SLC8A2: variants seen among roughly 807,000 people sequenced by gnomAD.
The protein encoded by SLC8A2 is sodium/calcium exchanger 2.
A neutral mutation model predicts 70.2 loss-of-function variants in SLC8A2; 14 were observed. That is an observed-to-expected ratio of 0.20 (90% CI 0.13 to 0.31). The LOEUF (loss-of-function observed/expected upper bound fraction) is 0.31. Among genes scored for constraint, SLC8A2 ranks in the 10% least tolerant of loss-of-function variants. SLC8A2 has a pLI of 1.00. For missense variants in SLC8A2, 779 were observed against 1,320.1 expected, an observed-to-expected ratio of 0.59 and a Z score of 6.35; for synonymous variants, 575 against 594.3, an observed-to-expected ratio of 0.97 and a Z score of 0.47.
chr19:47,457,484 G>C lies in SLC8A2; in HGVS notation c.786C>G (p.Thr262=). ...CTATGATGATGCCGCTGCGTGGGTC[G>C]GTGCGGTAGCGCTTGTACACGTACT... ...FYKYVYKRYR[T]DPRSGIIIGA... Residue 262 remains threonine, a synonymous_variant, in exon 3 of 10, where the codon ACC becomes ACG. Coordinates refer to ENST00000236877, the MANE Select transcript of SLC8A2 (RefSeq NM_015063.3). 5 of 1,609,316 alleles carry C rather than the reference G, an allele frequency of 3.1e-6. No homozygotes were observed. Among genetic ancestry groups the C allele is most frequent in the Non-Finnish European group, 4.2e-6 (5 of 1,178,528 alleles).
Position 47,447,657 on chromosome 19 carries a change from G to C in SLC8A2, c.1763+152C>G. 2 of 762,926 alleles carry C rather than the reference G, an allele frequency of 2.6e-6. No individual in the cohort carries two copies. Among genetic ancestry groups the C allele is most frequent in the Non-Finnish European group, 4.0e-6 (2 of 506,278 alleles). 47.3% of individuals were successfully genotyped at this position (762,926 alleles called of 1,614,324 possible). A position where few individuals can be genotyped will look rare whatever the true frequency, so the allele number is the denominator to read the frequency against. On this transcript the variant is annotated intron_variant, in intron 4 of 9. Transcript: ENST00000236877. This position sits in a 1 kb window ranked among gnomAD's most constrained non-coding sequence, Gnocchi z 5.1. Reference sequence around the variant, plus strand: ...GGTCACAGGCCCCGCCCACGTTGCGGGCACGGCCACGCAGGCCCCTCCCCT... The same window carrying C: ...GGTCACAGGCCCCGCCCACGTTGCGCGCACGGCCACGCAGGCCCCTCCCCT...
chr19:47,457,448 G>C lies in SLC8A2; in HGVS notation c.822C>G (p.Gly274=). The part of the protein sequence containing the change: ...PRSGIIIGAE[G]DPPKSIELDG... Reference sequence around the variant, plus strand: ...CCAGCTCGATGCTCTTCGGGGGGTCGCCCTCGGCGCCTATGATGATGCCGC... The same window carrying C: ...CCAGCTCGATGCTCTTCGGGGGGTCCCCCTCGGCGCCTATGATGATGCCGC... Residue 274 remains glycine, a synonymous_variant, in exon 3 of 10, where the codon GGC becomes GGG. Transcript: ENST00000236877. The C allele has an allele frequency of 6.2e-7, 1 of 1,605,716 alleles. No homozygotes were observed. The highest frequency in any genetic ancestry group is 8.5e-7 in the Non-Finnish European group (1 of 1,177,266).
chr19:47,439,004 C>T (rs901145922), intron 6 of SLC8A2, among the ~76,000 whole-genome samples: 23 of 152,170 alleles, frequency 1.5e-4, no homozygotes, highest in Admixed American at 8.5e-4. Flanking sequence ...TGCAGCTGGG[C>T]GTGGCCACGG....
rs1210971960 is a variant in SLC8A2, at chr19:47,430,326, C to T, written c.2529G>A (p.Val843=). ...TGCGCACCTCGAAGGGGCGGCCCTGCACCGCCCAGTACACGGCGGCCACAG... is the reference window on the plus strand; with the variant it reads ...TGCGCACCTCGAAGGGGCGGCCCTGTACCGCCCAGTACACGGCGGCCACAG... ...AWSVAAVYWA[V]QGRPFEVRTG... The change falls in exon 10 of 10, where the codon GTG becomes GTA. Residue 843 remains valine (V), a synonymous_variant. Coordinates refer to ENST00000236877, the MANE Select transcript of SLC8A2 (RefSeq NM_015063.3). This position sits in a 1 kb window ranked among gnomAD's most constrained non-coding sequence, Gnocchi z 5.9. 3.7e-6 allele frequency: 6 copies of T among 1,612,268 alleles called. No homozygotes were observed. The South Asian group carries it at 5.5e-5, about 15-fold the overall frequency.
At position 47,465,327 on chromosome 19, in the gene SLC8A2, T is replaced by C. The variant is rs1448224007; in HGVS notation, c.675+402A>G. 1.3e-5 allele frequency among the ~76,000 whole-genome samples: 2 copies of C among 152,142 alleles called. No individual in the cohort carries two copies. Among genetic ancestry groups the C allele is most frequent in the Admixed American group, 6.5e-5 (1 of 15,274 alleles). ...TCAGTTATGCAAAAGGTAGGGAGTGTAGGAAAACATGTGAACATACGTAGC... is the reference window on the plus strand; with the variant it reads ...TCAGTTATGCAAAAGGTAGGGAGTGCAGGAAAACATGTGAACATACGTAGC... On this transcript the variant is annotated intron_variant, in intron 2 of 9. Transcript: ENST00000236877. The surrounding 1 kb of genome is among the most constrained non-coding windows in gnomAD (Gnocchi z 5.5).
At position 47,429,698 on chromosome 19, in the gene SLC8A2, T is replaced by C. The variant is rs1966925264; in HGVS notation, c.*391A>G. On this transcript the variant is annotated 3_prime_UTR_variant, in exon 10 of 10. Transcript: ENST00000236877. ...TGGGGTGAAGTGGGGGGGGGGTCAC[T>C]AGGGGAAGGGAGACTTTGGGGGCAA... is the stretch of plus-strand genomic sequence containing the variant. The C allele has an allele frequency of 1.7e-5, 3 of 173,518 alleles. No homozygotes were observed. Among genetic ancestry groups the C allele is most frequent in the African/African-American group, 2.8e-5 (1 of 35,702 alleles). The allele number at this position is 173,518 out of a possible 1,614,324, so 10.7% of individuals were successfully genotyped here. A position where few individuals can be genotyped will look rare whatever the true frequency, so the allele number is the denominator to read the frequency against.
intron 4 of SLC8A2, among the ~76,000 whole-genome samples, chr19:47,443,530 C>T (rs1343384092): frequency 6.6e-6 from 1 of 152,232 alleles, no homozygotes; most frequent in Non-Finnish European, 1.5e-5. Flanking sequence ...CACACCCACA[C>T]GCCATCACAC....
At chr19:47,454,450 C>A (rs1278206900) in intron 3 of SLC8A2, among the ~76,000 whole-genome samples, 1 of 152,172 alleles carries the variant, frequency 6.6e-6, no homozygotes, top group African/African-American at 2.4e-5. Flanking sequence ...GACCTGTGAA[C>A]AGCTGCATTT....
Position 47,466,814 on chromosome 19 carries a change from C to T in SLC8A2, c.-16-395G>A, listed in dbSNP as rs777396466. 8.5e-5 allele frequency among the ~76,000 whole-genome samples: 13 copies of T among 152,126 alleles called. No individual in the cohort carries two copies. Among genetic ancestry groups the T allele is most frequent in the Non-Finnish European group, 1.3e-4 (9 of 68,032 alleles). ...CGGGTGCGGTGGCTACGCCTGTAAT[C>T]CCTGAACTTTGGGAGGCTGAGGTGG... On this transcript the variant is annotated intron_variant, in intron 1 of 9. Transcript: ENST00000236877. This position sits in a 1 kb window ranked among gnomAD's most constrained non-coding sequence, Gnocchi z 6.9.
At chr19:47,431,483 T>C (rs746769419) in intron 9 of SLC8A2, among the ~76,000 whole-genome samples, 7 of 150,832 alleles carry the variant, frequency 4.6e-5, no homozygotes, top group Non-Finnish European at 8.9e-5. Context: ...ACCCCGTCTC[T>C]ACTAAAAACG....
At chr19:47,444,091 C>T (rs1285256143) in intron 4 of SLC8A2, among the ~76,000 whole-genome samples, 4 of 152,066 alleles carry the variant, frequency 2.6e-5, no homozygotes, top group Non-Finnish European at 5.9e-5. Flanking sequence ...GACAGGATCT[C>T]ACTATGTTGC....
chr19:47,463,334 C>T (rs998465311), intron 2 of SLC8A2, among the ~76,000 whole-genome samples: 7 of 150,392 alleles, frequency 4.7e-5, no homozygotes, highest in African/African-American at 1.7e-4. Context: ...GGGGTTTCAC[C>T]GTGTTAGCCA....
rs765884136 is a variant in SLC8A2, at chr19:47,466,234, A to G, written c.170T>C (p.Val57Ala). 1 of 1,605,970 alleles carries G rather than the reference A, an allele frequency of 6.2e-7. No individual in the cohort carries two copies. Among genetic ancestry groups the G allele is most frequent in the South Asian group, 1.1e-5 (1 of 90,572 alleles). ...YRCQPGVLLPVWEPDDPSLGD... is the reference protein window; with the variant it reads ...YRCQPGVLLPAWEPDDPSLGD... ...CAGCGACGGGTCGTCGGGCTCCCAC[A>G]CGGGCAGCAGCACCCCCGGCTGGCA... Residue 57 changes from valine (V) to alanine (A), a missense_variant, in exon 2 of 10, where the codon GTG (valine) becomes GCG (alanine). Transcript: ENST00000236877. This position sits in a 1 kb window ranked among gnomAD's most constrained non-coding sequence, Gnocchi z 6.9.
At chr19:47,451,926 G>A (rs1028676217) in intron 3 of SLC8A2, among the ~76,000 whole-genome samples, 1 of 152,148 alleles carries the variant, frequency 6.6e-6, no homozygotes. Flanking sequence ...ATTTGACAGG[G>A]AAATGCAATG....
chr19:47,460,278 ACAGGGATGGCTGTCTCATCT>A (rs1967377905), intron 2 of SLC8A2, among the ~76,000 whole-genome samples: 1 of 152,172 alleles, frequency 6.6e-6, no homozygotes, highest in Non-Finnish European at 1.5e-5. Context: ...TGGCTTTACC[ACAGGGATGGCTGTCTCATCT>A]CTTGGTCTAT....
Position 47,437,546 on chromosome 19 carries a change from G to A in SLC8A2, c.2026C>T (p.Leu676Phe). The A allele has an allele frequency of 6.2e-7, 1 of 1,613,426 alleles. No homozygotes were observed. The highest frequency in any genetic ancestry group is 1.1e-5 in the South Asian group (1 of 91,068). ...AAGGCCAAGTTCGTTTTCTTGATGAGTTTATCCACCGTGTTCTGGGGATGA... is the reference window on the plus strand; with the variant it reads ...AAGGCCAAGTTCGTTTTCTTGATGAATTTATCCACCGTGTTCTGGGGATGA... The part of the protein sequence containing the change: ...SYDFKNTVDK[L>F]IKKTNLALVI... Residue 676 changes from leucine to phenylalanine, a missense_variant, in exon 8 of 10, where the codon CTC (leucine) becomes TTC (phenylalanine). Leu to Phe is a conservative substitution (Grantham distance 22). Transcript: ENST00000236877.
chr19:47,430,137 G>A lies in SLC8A2; in HGVS notation c.2718C>T (p.Tyr906=). 1 of 1,593,762 alleles carries A rather than the reference G, an allele frequency of 6.3e-7. No homozygotes were observed. The highest frequency in any genetic ancestry group is 8.5e-7 in the Non-Finnish European group (1 of 1,170,136). The change falls in exon 10 of 10, where the codon TAC becomes TAT. Residue 906 remains tyrosine, a synonymous_variant. Transcript: ENST00000236877. The surrounding 1 kb of genome is among the most constrained non-coding windows in gnomAD (Gnocchi z 5.9). ...TALFLGLWLL[Y]ILFASLEAYC... ...ACGCCTCCAGGCTGGCGAAGAGGAT[G>A]TACAGGAGCCAGAGGCCCAGGAAGA...
Position 47,448,125 on chromosome 19 carries a change from G to C in SLC8A2, c.1447C>G (p.Leu483Val). The change falls in exon 4 of 10, where the codon CTG becomes GTG. Residue 483 changes from leucine (L) to valine (V), a missense_variant. Physicochemically the swap from Leu to Val is conservative, Grantham distance 32. This residue lies in a region of SLC8A2 where 247 missense variants were observed against 362.8 expected (regional missense o/e 0.68). Coordinates refer to ENST00000236877, the MANE Select transcript of SLC8A2 (RefSeq NM_015063.3). This position sits in a 1 kb window ranked among gnomAD's most constrained non-coding sequence, Gnocchi z 4.8. ...EEDEHFFVRL[L>V]NLRVGDAQGM... ...TGCGCGTCGCCCACGCGCAGGTTCA[G>C]CAGCCGCACGAAGAAATGCTCGTCC... is the stretch of plus-strand genomic sequence containing the variant. The C allele has an allele frequency of 6.2e-7, 1 of 1,612,230 alleles. No individual in the cohort carries two copies. Among genetic ancestry groups the C allele is most frequent in the Non-Finnish European group, 8.5e-7 (1 of 1,179,522 alleles).
chr19:47,463,821 T>C (rs1254360886), intron 2 of SLC8A2, among the ~76,000 whole-genome samples: 1 of 152,216 alleles, frequency 6.6e-6, no homozygotes, highest in Admixed American at 6.5e-5. Flanking sequence ...CAGACTATTT[T>C]AAGTCTTTCC....
Sources: allele counts gnomAD v4.1 joint callset (sites outside exome capture counted in the v4.1 genomes callset), GRCh38; gene constraint gnomAD v4.1.1; regional missense constraint gnomAD v4.1.1; non-coding constraint Gnocchi (gnomAD v3.1); transcripts MANE v1.5; gene names NCBI Gene and HGNC (gene_info 2026-07-23, HGNC 2026-07-21).